The following GAL variants were observed in gnomAD, a reference collection of about 807,000 sequenced individuals.
GAL encodes galanin and GMAP prepropeptide, also known as galanin peptides.
GAL carries 14 observed loss-of-function variants against 15.8 expected under a neutral mutation model. The observed-to-expected ratio is 0.89, with a 90% CI of 0.59 to 1.39. GAL has a LOEUF of 1.39. GAL is among the 40% of genes most tolerant of loss of function. The probability of loss-of-function intolerance (pLI) is 0.00; values close to 1 mark genes in which losing one functional copy is unlikely to be tolerated. For missense variants in GAL, 176 were observed against 170.4 expected (o/e 1.03, Z -0.18); for synonymous variants, 79 against 73.8 (o/e 1.07, Z -0.36).
At chr11:68,689,044 A>T in intron 5 of GAL, 118 bp downstream of exon 5, 1 of 652,598 alleles carries the variant, frequency 1.5e-6, no homozygotes, top group Non-Finnish European at 2.8e-6. Context: ...TTATCTACGT[A>T]CAAAGTCCTG....
chr11:68,686,930 A>G (rs993120607), intron 3 of GAL, among the ~76,000 whole-genome samples: 2 of 152,212 alleles, frequency 1.3e-5, no homozygotes, highest in African/African-American at 2.4e-5. Flanking sequence ...TTAGAAAACA[A>G]ACTCATTTTC....
Position 68,691,112 on chromosome 11 carries a change from T to C in GAL, c.*125T>C. The C allele has an allele frequency of 1.5e-6, 1 of 647,130 alleles. No homozygotes were observed. The highest frequency in any genetic ancestry group is 2.8e-6 in the Non-Finnish European group (1 of 363,390). 40.1% of individuals were successfully genotyped at this position (647,130 alleles called of 1,614,324 possible). On this transcript the variant is annotated 3_prime_UTR_variant, in exon 6 of 6. Coordinates refer to ENST00000265643, the MANE Select transcript of GAL (RefSeq NM_015973.5). ...TTCTCTTTGCCTTGATGTTGTGTTG[T>C]TATCATTTAAGATTTTTTTTTTTTG...
At chr11:68,689,114 G>T (rs1434137018) in intron 5 of GAL, among the ~76,000 whole-genome samples, 188 bp downstream of exon 5, 1 of 152,164 alleles carries the variant, frequency 6.6e-6, no homozygotes, top group Non-Finnish European at 1.5e-5. Flanking sequence ...AGAGGGCTGG[G>T]ATTGCGGCAG....
intron 5 of GAL, among the ~76,000 whole-genome samples, chr11:68,690,041 C>T (rs781145798): frequency 6.6e-6 from 1 of 151,102 alleles, no homozygotes; most frequent in Non-Finnish European, 1.5e-5. Flanking sequence ...CAGAGAAGAC[C>T]TTCACCTGGT....
At chr11:68,687,598 C>T (rs1250691301) in intron 3 of GAL, among the ~76,000 whole-genome samples, 2 of 152,172 alleles carry the variant, frequency 1.3e-5, no homozygotes, top group Non-Finnish European at 2.9e-5. Context: ...AACTCTTCAG[C>T]GTCCCCCATG....
At chr11:68,687,074 A>T (rs1945860259) in intron 3 of GAL, among the ~76,000 whole-genome samples, 1 of 152,292 alleles carries the variant, frequency 6.6e-6, no homozygotes, top group South Asian at 2.1e-4. Flanking sequence ...CTGCTGCTGA[A>T]CGCAGTGTGG....
At chr11:68,685,095 C>A in intron 2 of GAL, 91 bp downstream of exon 2, 1 of 849,832 alleles carries the variant, frequency 1.2e-6, no homozygotes, top group Non-Finnish European at 1.9e-6. Context: ...CTCCGCCCTG[C>A]CCGCGGGGAT....
In GAL at chr11:68,684,917, C is replaced by G. The variant is rs991736017; in HGVS notation, c.1-7C>G. On this transcript the variant is annotated splice_polypyrimidine_tract_variant and splice_region_variant and intron_variant, in intron 1 of 5. Transcript: ENST00000265643. ...TCCGACCCGCCCGCCCTGTCCTTCC[C>G]TTCCAGATGGCCCGAGGCAGCGCCC... 1.9e-6 allele frequency: 3 copies of G among 1,598,312 alleles called. No individual in the cohort carries two copies. The African/African-American group carries it at 4.0e-5, about 21-fold the overall frequency.
intron 5 of GAL, 77 bp from the exon 6 acceptor site, chr11:68,690,840 T>C: frequency 1.1e-6 from 1 of 931,356 alleles, no homozygotes; most frequent in East Asian, 2.4e-5. Context: ...CCGCTTCCTG[T>C]AGCATGTGTC....
At position 68,685,024 on chromosome 11, in the gene GAL, C is replaced by A. The variant is rs1262349686; in HGVS notation, c.81+20C>A. 14 of 1,540,286 alleles carry A rather than the reference C, an allele frequency of 9.1e-6. No homozygotes were observed. The highest frequency in any genetic ancestry group is 1.2e-5 in the Non-Finnish European group (14 of 1,127,884). The stretch of plus-strand genomic sequence containing the variant: ...TCGCCGGTAAGTGCGGGGCGCGTCT[C>A]CTCCGAGCGAAGGGGACATCAGAGC... On this transcript the variant is annotated intron_variant, in intron 2 of 5. Coordinates refer to ENST00000265643, the MANE Select transcript of GAL (RefSeq NM_015973.5).
At chr11:68,686,420 C>T (rs1594274369) in intron 3 of GAL, among the ~76,000 whole-genome samples, 1 of 152,220 alleles carries the variant, frequency 6.6e-6, no homozygotes. Flanking sequence ...CTGCCTTCTG[C>T]CAGAGGAAGG....
chr11:68,685,466 T>C, intron 2 of GAL, 128 bp from the exon 3 acceptor site: 1 of 691,158 alleles, frequency 1.4e-6, no homozygotes, highest in Non-Finnish European at 2.7e-6. Context: ...AACCTGGAAT[T>C]TCGCGAGCTA....
Position 68,690,831 on chromosome 11 carries a change from C to T in GAL, c.302-86C>T, listed in dbSNP as rs559503977. 4.2e-5 allele frequency: 37 copies of T among 870,848 alleles called. No homozygotes were observed. In the East Asian group the frequency reaches 6.5e-4, roughly 15 times the overall value. The allele number at this position is 870,848 out of a possible 1,614,324, so 53.9% of individuals were successfully genotyped here. A position where few individuals can be genotyped will look rare whatever the true frequency, so the allele number is the denominator to read the frequency against. On this transcript the variant is annotated intron_variant, in intron 5 of 5. Coordinates refer to ENST00000265643, the MANE Select transcript of GAL (RefSeq NM_015973.5). ...ATCTTTACAGAGGACGACCACACGC[C>T]GCTTCCTGTAGCATGTGTCGTGGTT...
intron 4 of GAL, among the ~76,000 whole-genome samples, chr11:68,688,399 C>T (rs566593453): frequency 9.7e-4 from 148 of 152,302 alleles, no homozygotes; most frequent in Non-Finnish European, 1.7e-3. Flanking sequence ...GAGGCTGATG[C>T]GGGTGGATCA....
chr11:68,685,000 C>G lies in GAL; in HGVS notation c.77C>G (p.Ser26Trp). The G allele has an allele frequency of 3.8e-6, 6 of 1,594,084 alleles. No individual in the cohort carries two copies. The highest frequency in any genetic ancestry group is 4.3e-6 in the Non-Finnish European group (5 of 1,168,806). The change falls in exon 2 of 6, where the codon TCG becomes TGG. Residue 26 changes from serine (S) to tryptophan (W), a missense_variant. By Grantham distance (177) the Ser-to-Trp change is radical. Transcript: ENST00000265643. ...CTTTCTGCCTCTGCGGGGCTCTGGT[C>G]GCCGGTAAGTGCGGGGCGCGTCTCC... is the stretch of plus-strand genomic sequence containing the variant. ...AALSASAGLW[S>W]PAKEKRGWTL...
chr11:68,688,404 G>A (rs1160824014), intron 4 of GAL, among the ~76,000 whole-genome samples: 1 of 152,238 alleles, frequency 6.6e-6, no homozygotes, highest in Non-Finnish European at 1.5e-5. Context: ...TGATGCGGGT[G>A]GATCACCTGA....
At chr11:68,685,532 C>G in intron 2 of GAL, 62 bp from the exon 3 acceptor site, 3 of 1,139,140 alleles carry the variant, frequency 2.6e-6, no homozygotes, top group Non-Finnish European at 4.0e-6. Flanking sequence ...AGCCTGGGTG[C>G]ACCCATTCAG....
intron 2 of GAL, 76 bp from the exon 3 acceptor site, chr11:68,685,518 G>C: frequency 1.0e-6 from 1 of 1,000,576 alleles, no homozygotes; most frequent in Non-Finnish European, 1.6e-6. Context: ...TGCCATGCCG[G>C]GAAAGCCTGG....
rs931451475 is a variant in GAL, at chr11:68,684,719, A to C, written c.-14A>C. ...ACCCCGACGCTCCGAACCCGGGCGCAGCCGCAGCTCAAGGTACTACTGGCG... is the reference window on the plus strand; with the variant it reads ...ACCCCGACGCTCCGAACCCGGGCGCCGCCGCAGCTCAAGGTACTACTGGCG... On this transcript the variant is annotated 5_prime_UTR_variant, in exon 1 of 6. Transcript: ENST00000265643. 5 of 425,132 alleles carry C rather than the reference A, an allele frequency of 1.2e-5. No individual in the cohort carries two copies. Among genetic ancestry groups the C allele is most frequent in the Admixed American group, 4.3e-5 (1 of 23,186 alleles). 26.3% of individuals were successfully genotyped at this position (425,132 alleles called of 1,614,324 possible). A position where few individuals can be genotyped will look rare whatever the true frequency, so the allele number is the denominator to read the frequency against.
Sources: allele counts gnomAD v4.1 joint callset (sites outside exome capture counted in the v4.1 genomes callset), GRCh38; gene constraint gnomAD v4.1.1; transcripts MANE v1.5; gene names NCBI Gene and HGNC (gene_info 2026-07-23, HGNC 2026-07-21).